ANXA2: variants seen among roughly 807,000 people sequenced by gnomAD.
ANXA2 encodes annexin A2.
A neutral mutation model predicts 47.3 loss-of-function variants in ANXA2; 28 were observed. The observed-to-expected ratio is 0.59, with a 90% CI of 0.44 to 0.81. The LOEUF (loss-of-function observed/expected upper bound fraction) is 0.81. ANXA2 is among the 40% of genes least tolerant of loss of function. ANXA2 has a pLI of 0.00. For synonymous variants in ANXA2, 172 were observed against 155.5 expected (o/e 1.11, Z -0.79); for missense variants, 384 against 414.3 (o/e 0.93, Z 0.64).
intron 1 of ANXA2, chr15:60,386,977 G>T (rs2062941766): frequency 6.6e-6 from 1 of 152,140 alleles, no homozygotes; most frequent in Non-Finnish European, 1.5e-5. Context: ...CTCCTGCTTT[G>T]GTCTCTTTTT....
At chr15:60,376,039 A>C (rs2062771976) in intron 3 of ANXA2, among the ~76,000 whole-genome samples, 1 of 152,186 alleles carries the variant, frequency 6.6e-6, no homozygotes, top group South Asian at 2.1e-4. Flanking sequence ...AGACGAGGCT[A>C]GAAAGATACT....
At chr15:60,386,004 A>G (rs1229654027) in intron 2 of ANXA2, 24 bp downstream of exon 2, 9 of 1,581,652 alleles carry the variant, frequency 5.7e-6, no homozygotes, top group Non-Finnish European at 7.8e-6. Context: ...CAAAAATTAT[A>G]TAAAGTGAAA....
At chr15:60,397,521 G>A (rs762554704) in intron 1 of ANXA2, among the ~76,000 whole-genome samples, 1 of 152,264 alleles carries the variant, frequency 6.6e-6, no homozygotes, top group East Asian at 1.9e-4. Flanking sequence ...ACTTTCTAGA[G>A]GGCAGTGGAA....
chr15:60,368,891 T>C (rs1595685250), intron 3 of ANXA2, among the ~76,000 whole-genome samples: 1 of 152,210 alleles, frequency 6.6e-6, no homozygotes, highest in Non-Finnish European at 1.5e-5. Flanking sequence ...TAATTAGGAA[T>C]TACATCTATA....
intron 1 of ANXA2, among the ~76,000 whole-genome samples, chr15:60,387,598 A>C (rs1036549565): frequency 6.6e-6 from 1 of 152,240 alleles, no homozygotes; most frequent in African/African-American, 2.4e-5. Context: ...AGGCAAAATT[A>C]TGGGGACAGC....
intron 1 of ANXA2, among the ~76,000 whole-genome samples, chr15:60,397,706 C>T (rs1215535541): frequency 6.6e-6 from 1 of 151,112 alleles, no homozygotes. Context: ...ACCACCTCTG[C>T]CCTGCACCCT....
At chr15:60,395,537 C>T (rs889187448) in intron 1 of ANXA2, 1 of 152,126 alleles carries the variant, frequency 6.6e-6, no homozygotes, top group African/African-American at 2.4e-5. Context: ...GTAGGAAGAG[C>T]CTACAGCCCT....
At chr15:60,379,365 G>A (rs2062824922) in intron 3 of ANXA2, among the ~76,000 whole-genome samples, 1 of 152,178 alleles carries the variant, frequency 6.6e-6, no homozygotes, top group Non-Finnish European at 1.5e-5. Context: ...AAAAAAAGGA[G>A]ATGGAGAATC....
intron 11 of ANXA2, 128 bp downstream of exon 11, chr15:60,351,065 T>TA: frequency 1.2e-6 from 1 of 832,120 alleles, no homozygotes; most frequent in South Asian, 1.5e-5. Flanking sequence ...CACAGCTGAC[T>TA]AGTGTGTTCC....
chr15:60,349,360 A>G (rs1895885491), intron 11 of ANXA2, among the ~76,000 whole-genome samples, 163 bp from the exon 12 acceptor site: 1 of 152,196 alleles, frequency 6.6e-6, no homozygotes, highest in Admixed American at 6.5e-5. Flanking sequence ...AATTCCACAT[A>G]CAGCACTTAA....
rs1285998430 is a variant in ANXA2, at chr15:60,352,815, TG to T, written c.589-340del. On this transcript the variant is annotated intron_variant, in intron 8 of 12. Transcript: ENST00000451270. This position sits in a 1 kb window ranked among gnomAD's most constrained non-coding sequence, Gnocchi z 4.2. ...TTAACACATCTGGCCCTCCTCCCTT[TG>T]GGCACATTTAGGGGCAGATAAGCTA... 6.6e-6 allele frequency among the ~76,000 whole-genome samples: 1 copy of T among 152,178 alleles called. No individual in the cohort carries two copies. The highest frequency in any genetic ancestry group is 1.5e-5 in the Non-Finnish European group (1 of 68,024).
intron 5 of ANXA2, among the ~76,000 whole-genome samples, chr15:60,360,690 A>G (rs2062499898): frequency 6.6e-6 from 1 of 152,220 alleles, no homozygotes; most frequent in Non-Finnish European, 1.5e-5. Flanking sequence ...TGGTATTCCA[A>G]TTGCCCAGGT....
chr15:60,385,711 G>C (rs1410333192), intron 2 of ANXA2: 5 of 240,300 alleles, frequency 2.1e-5, no homozygotes, highest in Non-Finnish European at 4.0e-5. Context: ...CCCAGGACAT[G>C]ACATTAAAAG....
At chr15:60,363,433 T>C (rs1016738367) in intron 4 of ANXA2, among the ~76,000 whole-genome samples, 1 of 152,172 alleles carries the variant, frequency 6.6e-6, no homozygotes, top group Non-Finnish European at 1.5e-5. Context: ...GGCAGAAATA[T>C]CTCTTCTAGA....
chr15:60,366,998 A>G (rs1204638421), intron 3 of ANXA2, among the ~76,000 whole-genome samples: 36 of 72,024 alleles, frequency 5.0e-4, no homozygotes, highest in Middle Eastern at 0.015. Context: ...CCGCCCGGCC[A>G]GCCGCCCAGT....
chr15:60,372,281 G>C (rs1329998562), intron 3 of ANXA2, among the ~76,000 whole-genome samples: 8 of 152,022 alleles, frequency 5.3e-5, no homozygotes, highest in Non-Finnish European at 1.2e-4. Context: ...TGTCATCCCG[G>C]TTGTACTAAT....
chr15:60,348,793 G>A (rs779090743), intron 12 of ANXA2, among the ~76,000 whole-genome samples: 13 of 151,624 alleles, frequency 8.6e-5, no homozygotes, highest in East Asian at 3.9e-4. Flanking sequence ...AAGCCTCTTC[G>A]GGATGTCAGC....
chr15:60,358,845 G>C (rs1352016526), intron 5 of ANXA2, among the ~76,000 whole-genome samples: 1 of 152,216 alleles, frequency 6.6e-6, no homozygotes, highest in Non-Finnish European at 1.5e-5. Context: ...TGACATTGTA[G>C]AATTGCAAGA....
intron 3 of ANXA2, among the ~76,000 whole-genome samples, chr15:60,369,525 T>TA (rs1566940160): frequency 6.6e-6 from 1 of 152,194 alleles, no homozygotes; most frequent in East Asian, 1.9e-4. Flanking sequence ...CAGTGACCCA[T>TA]AAAAAAGTAT....
Sources: allele counts gnomAD v4.1 joint callset (sites outside exome capture counted in the v4.1 genomes callset), GRCh38; gene constraint gnomAD v4.1.1; non-coding constraint Gnocchi (gnomAD v3.1); transcripts MANE v1.5; gene names NCBI Gene and HGNC (gene_info 2026-07-23, HGNC 2026-07-21).